CPNE3: variants seen among roughly 807,000 people sequenced by gnomAD.
CPNE3 encodes copine-3.
CPNE3 carries 68 observed loss-of-function variants against 63.9 expected under a neutral mutation model. That is an observed-to-expected ratio of 1.06 (90% CI 0.87 to 1.30). The LOEUF is 1.30. CPNE3 is among the 50% of genes most tolerant of loss of function. The pLI, the probability that CPNE3 is intolerant of heterozygous loss-of-function variation, is 0.00. For missense variants in CPNE3, 665 were observed against 578.1 expected (o/e 1.15, Z -1.54); for synonymous variants, 219 against 197.5 (o/e 1.11, Z -0.91).
intron 2 of CPNE3, among the ~76,000 whole-genome samples, chr8:86,522,195 A>T (rs979676367): frequency 6.6e-6 from 1 of 152,156 alleles, no homozygotes; most frequent in Admixed American, 6.6e-5. Context: ...CAGCTCCAAG[A>T]GCACTTTGAT....
At chr8:86,517,419 C>T (rs1000807461) in intron 2 of CPNE3, among the ~76,000 whole-genome samples, 19 of 152,146 alleles carry the variant, frequency 1.2e-4, no homozygotes, top group African/African-American at 3.6e-4. Flanking sequence ...CATTGTTATC[C>T]GGCTATTTCA....
At position 86,540,318 on chromosome 8, in the gene CPNE3, T is replaced by C; in HGVS notation, c.617T>C (p.Met206Thr). Residue 206 changes from methionine (M) to threonine (T), a missense_variant, in exon 8 of 17, where the codon ATG (methionine) becomes ACG (threonine). Coordinates refer to ENST00000517490, the MANE Select transcript of CPNE3 (RefSeq NM_003909.5). ...ISLNSLCYGD[M>T]DKTIKVECYD... ...CTTAACTCACTGTGTTACGGAGATA[T>C]GGACAAAACCATTAAGGTAAGTTGA... 2 of 1,527,298 alleles carry C rather than the reference T, an allele frequency of 1.3e-6. No individual in the cohort carries two copies. The highest frequency in any genetic ancestry group is 1.8e-6 in the Non-Finnish European group (2 of 1,138,646). The allele number at this position is 1,527,298 out of a possible 1,614,324, so 94.6% of individuals were successfully genotyped here.
intron 2 of CPNE3, among the ~76,000 whole-genome samples, chr8:86,526,227 CA>C (rs879779751): frequency 8.1e-4 from 108 of 133,492 alleles, no homozygotes; most frequent in Admixed American, 5.3e-4. Context: ...GACTCCGTCT[CA>C]AAAAAAAAAA....
rs777030077 is a variant in CPNE3, at chr8:86,544,847, C to T, written c.732+9C>T. On this transcript the variant is annotated intron_variant, in intron 9 of 16. Transcript: ENST00000517490. ...CCTCCAGAAGCTCACCTGTAAGTTA[C>T]ATCCTTGCATTTGCATATACTTTAT... The T allele has an allele frequency of 1.3e-6, 2 of 1,505,398 alleles. No homozygotes were observed. Among genetic ancestry groups the T allele is most frequent in the East Asian group, 2.3e-5 (1 of 42,586 alleles). 93.3% of individuals were successfully genotyped at this position (1,505,398 alleles called of 1,614,324 possible). A position where few individuals can be genotyped will look rare whatever the true frequency, so the allele number is the denominator to read the frequency against.
rs1182044007 is a variant in CPNE3, at chr8:86,560,994, C to T, written c.*2584C>T. 6.6e-6 allele frequency: 1 copy of T among 152,156 alleles called. No individual in the cohort carries two copies. Among genetic ancestry groups the T allele is most frequent in the Non-Finnish European group, 1.5e-5 (1 of 68,030 alleles). The allele number at this position is 152,156 out of a possible 1,614,324, so 9.4% of individuals were successfully genotyped here. On this transcript the variant is annotated 3_prime_UTR_variant, in exon 17 of 17. Coordinates refer to ENST00000517490, the MANE Select transcript of CPNE3 (RefSeq NM_003909.5). ...TGGCACAGAGGAAATAATATACCAG[C>T]TAATCTAGTCACCTAACCTTGTGGT...
intron 4 of CPNE3, among the ~76,000 whole-genome samples, chr8:86,530,721 C>T (rs903108712): frequency 9.6e-5 from 14 of 145,774 alleles, no homozygotes; most frequent in East Asian, 2.0e-4. Context: ...GATGGACTCT[C>T]ACTCTTGTTG....
At chr8:86,549,651 C>T (rs549700465) in intron 12 of CPNE3, among the ~76,000 whole-genome samples, 1 of 152,268 alleles carries the variant, frequency 6.6e-6, no homozygotes, top group African/African-American at 2.4e-5. Flanking sequence ...GTGGCTTTGA[C>T]AAAATAGAGG....
At chr8:86,554,203 A>G (rs917577197) in intron 14 of CPNE3, 1 of 152,198 alleles carries the variant, frequency 6.6e-6, no homozygotes, top group African/African-American at 2.4e-5. Context: ...AGCTAATCAA[A>G]TGGTCCTGTC....
At chr8:86,532,423 T>G in intron 5 of CPNE3, 86 bp from the exon 6 acceptor site, 1 of 910,790 alleles carries the variant, frequency 1.1e-6, no homozygotes. Context: ...GTAGGCTTTA[T>G]ATTAGATAAC....
intron 2 of CPNE3, among the ~76,000 whole-genome samples, chr8:86,527,517 A>G (rs1056992150): frequency 6.6e-6 from 1 of 152,218 alleles, no homozygotes. Flanking sequence ...ATAAGGGAAG[A>G]TGGGCCACAC....
chr8:86,526,686 T>A (rs928626898), intron 2 of CPNE3, among the ~76,000 whole-genome samples: 4 of 152,102 alleles, frequency 2.6e-5, no homozygotes, highest in African/African-American at 9.7e-5. Flanking sequence ...CTAGTTTTTG[T>A]ATTTTAGTAG....
chr8:86,526,183 G>A (rs1231351822), intron 2 of CPNE3, among the ~76,000 whole-genome samples: 4 of 151,772 alleles, frequency 2.6e-5, no homozygotes, highest in South Asian at 2.1e-4. Context: ...AGCTGAGATC[G>A]CGCCACTGCA....
Position 86,537,636 on chromosome 8 carries a change from A to G in CPNE3, c.533A>G (p.His178Arg), listed in dbSNP as rs754714327. 3.5e-5 allele frequency: 56 copies of G among 1,594,916 alleles called. No individual in the cohort carries two copies. The highest frequency in any genetic ancestry group is 1.4e-4 in the South Asian group (13 of 90,666). The change falls in exon 7 of 17, where the codon CAT becomes CGT. Residue 178 changes from histidine to arginine, a missense_variant. Physicochemically the swap from His to Arg is conservative, Grantham distance 29. Transcript: ENST00000517490. ...TCTGATGGAAACTGGCTAATGGTTC[A>G]TCGGACAGAGGTGAATATTTGAATT... ...QTSDGNWLMVHRTEVVKNNLN... is the reference protein window; with the variant it reads ...QTSDGNWLMVRRTEVVKNNLN...
intron 14 of CPNE3, 32 bp downstream of exon 14, chr8:86,551,266 A>G: frequency 1.4e-6 from 2 of 1,395,080 alleles, no homozygotes; most frequent in Middle Eastern, 1.8e-4. Flanking sequence ...AAGACTTCAA[A>G]TGGAAAGGCT....
intron 12 of CPNE3, among the ~76,000 whole-genome samples, chr8:86,550,158 C>CT (rs1353109434): frequency 6.6e-6 from 1 of 152,164 alleles, no homozygotes; most frequent in Non-Finnish European, 1.5e-5. Flanking sequence ...AATCATGCAG[C>CT]TTTTTTGTGT....
chr8:86,528,516 C>T lies in CPNE3; in HGVS notation c.-10-20C>T, dbSNP rs1172170134. The T allele has an allele frequency of 6.2e-7, 1 of 1,610,024 alleles. No homozygotes were observed. Among genetic ancestry groups the T allele is most frequent in the African/African-American group, 1.3e-5 (1 of 74,446 alleles). ...AAAGGCACTGTTTTACTTGCTTTCT[C>T]TTTTTATTGGTTTTCTCAGAACTCA... On this transcript the variant is annotated intron_variant, in intron 2 of 16. Transcript: ENST00000517490.
chr8:86,526,804 GC>G (rs1366919160), intron 2 of CPNE3, among the ~76,000 whole-genome samples: 3 of 152,156 alleles, frequency 2.0e-5, no homozygotes, highest in Non-Finnish European at 4.4e-5. Context: ...GAGCTGCCGT[GC>G]CCGGCCAGCT....
At chr8:86,558,164 AG>A (rs1821362196) in intron 16 of CPNE3, 123 bp from the exon 17 acceptor site, 1 of 671,242 alleles carries the variant, frequency 1.5e-6, no homozygotes, top group African/African-American at 1.8e-5. Flanking sequence ...TCCTAAGAAA[AG>A]GTACAGGCCT....
At chr8:86,517,138 T>G (rs1268306296) in intron 2 of CPNE3, among the ~76,000 whole-genome samples, 1 of 152,220 alleles carries the variant, frequency 6.6e-6, no homozygotes, top group African/African-American at 2.4e-5. Context: ...TATTGGGGTT[T>G]TTTTTGGAGA....
Sources: allele counts gnomAD v4.1 joint callset (sites outside exome capture counted in the v4.1 genomes callset), GRCh38; gene constraint gnomAD v4.1.1; transcripts MANE v1.5; gene names NCBI Gene and HGNC (gene_info 2026-07-23, HGNC 2026-07-21).